GRAMD2B: variants seen among roughly 807,000 people sequenced by gnomAD.
GRAMD2B encodes the protein GRAM domain-containing protein 2B.
In GRAMD2B, 41 loss-of-function variants were observed where a neutral mutation model predicts 59.2. That is an observed-to-expected ratio of 0.69 (90% CI 0.54 to 0.90). GRAMD2B has a LOEUF of 0.90. GRAMD2B is among the 40% of genes least tolerant of loss of function. The pLI is 0.00. For synonymous variants in GRAMD2B, 161 were observed against 182.7 expected, an observed-to-expected ratio of 0.88 and a Z score of 0.96; for missense variants, 424 against 500.5, an observed-to-expected ratio of 0.85 and a Z score of 1.46.
chr5:126,447,444 T>C (rs532784400), intron 1 of GRAMD2B, among the ~76,000 whole-genome samples: 7 of 152,068 alleles, frequency 4.6e-5, no homozygotes, highest in South Asian at 2.1e-4. Flanking sequence ...GGGCAGATCA[T>C]GAGGTCAGAA....
intron 9 of GRAMD2B, among the ~76,000 whole-genome samples, chr5:126,484,019 G>A (rs889136616): frequency 2.0e-5 from 3 of 152,044 alleles, no homozygotes; most frequent in Admixed American, 2.0e-4. Flanking sequence ...TAGTAGAGAC[G>A]GGGTTTCACC....
At chr5:126,427,586 C>G (rs1760833448) in intron 1 of GRAMD2B, among the ~76,000 whole-genome samples, 1 of 152,156 alleles carries the variant, frequency 6.6e-6, no homozygotes, top group African/African-American at 2.4e-5. Flanking sequence ...GAACATTTAC[C>G]TTAAAAGGAA....
chr5:126,393,865 C>T (rs1413762477), intron 1 of GRAMD2B, among the ~76,000 whole-genome samples: 1 of 152,116 alleles, frequency 6.6e-6, no homozygotes, highest in African/African-American at 2.4e-5. Context: ...CCACACAGAC[C>T]AGGCCTTCCA....
intron 13 of GRAMD2B, among the ~76,000 whole-genome samples, chr5:126,489,619 G>A (rs977113824): frequency 4.6e-5 from 7 of 152,178 alleles, no homozygotes; most frequent in Admixed American, 1.3e-4. Flanking sequence ...TCCAAACAAC[G>A]CTAGGGCAAA....
At chr5:126,384,870 A>G (rs1356646333) in intron 1 of GRAMD2B, among the ~76,000 whole-genome samples, 2 of 152,190 alleles carry the variant, frequency 1.3e-5, no homozygotes, top group Non-Finnish European at 2.9e-5. Flanking sequence ...CTGTGCTCAC[A>G]TTGTGCCTTT....
At chr5:126,452,161 T>G (rs535125866) in intron 1 of GRAMD2B, among the ~76,000 whole-genome samples, 100 of 152,346 alleles carry the variant, frequency 6.6e-4, no homozygotes, top group Admixed American at 1.4e-3. Flanking sequence ...CTCATGGTTT[T>G]GGAGGCTGGA....
At chr5:126,402,864 G>C (rs1757957095) in intron 1 of GRAMD2B, among the ~76,000 whole-genome samples, 1 of 152,022 alleles carries the variant, frequency 6.6e-6, no homozygotes, top group Non-Finnish European at 1.5e-5. Context: ...ATGAGTTTTG[G>C]ATAAAGGCCT....
At chr5:126,394,990 G>C (rs979073046) in intron 1 of GRAMD2B, among the ~76,000 whole-genome samples, 1 of 151,818 alleles carries the variant, frequency 6.6e-6, no homozygotes, top group Admixed American at 6.6e-5. Context: ...GGTCTCCAAA[G>C]TATATTAATG....
intron 1 of GRAMD2B, among the ~76,000 whole-genome samples, chr5:126,417,169 G>C (rs766065728): frequency 1.3e-5 from 2 of 152,248 alleles, no homozygotes; most frequent in Non-Finnish European, 2.9e-5. Flanking sequence ...CACATCTTGT[G>C]TAGTTCTCTC....
chr5:126,360,261 A>G, exon 1 of GRAMD2B: 3 of 1,522,094 alleles, frequency 2.0e-6, no homozygotes, highest in Non-Finnish European at 1.8e-6. Flanking sequence ...GGTTGGGCAG[A>G]TCTGGTGTAA....
chr5:126,365,241 G>T (rs1157821905), intron 1 of GRAMD2B, among the ~76,000 whole-genome samples: 1 of 152,084 alleles, frequency 6.6e-6, no homozygotes, highest in Non-Finnish European at 1.5e-5. Context: ...TCATGCCACT[G>T]AACTATATAC....
Position 126,493,117 on chromosome 5 carries a change from G to A in GRAMD2B, c.*161G>A. 1.7e-6 allele frequency: 1 copy of A among 588,138 alleles called. No homozygotes were observed. The highest frequency in any genetic ancestry group is 3.1e-6 in the Non-Finnish European group (1 of 322,952). The allele number at this position is 588,138 out of a possible 1,614,324, so 36.4% of individuals were successfully genotyped here. A position where few individuals can be genotyped will look rare whatever the true frequency, so the allele number is the denominator to read the frequency against. On this transcript the variant is annotated 3_prime_UTR_variant, in exon 14 of 14. Transcript: ENST00000285689. Reference sequence around the variant, plus strand: ...TCTCCAGCTCAGGAAAGTGAGGAGGGAAATAATTTTGGTTCTTGTGCAATA... The same window carrying A: ...TCTCCAGCTCAGGAAAGTGAGGAGGAAAATAATTTTGGTTCTTGTGCAATA...
upstream of GRAMD2B, among the ~76,000 whole-genome samples, chr5:126,421,031 G>C (rs930366064): frequency 2.0e-5 from 3 of 152,168 alleles, no homozygotes; most frequent in Non-Finnish European, 2.9e-5. Context: ...ACCTAAAACA[G>C]ACAAATTTAT....
chr5:126,394,349 T>A (rs1409813811), intron 1 of GRAMD2B, among the ~76,000 whole-genome samples: 1 of 151,824 alleles, frequency 6.6e-6, no homozygotes, highest in Admixed American at 6.6e-5. Flanking sequence ...GTGGAGAAAG[T>A]AGGGCATGAG....
chr5:126,456,793 G>C (rs1278250041), intron 1 of GRAMD2B, among the ~76,000 whole-genome samples: 1 of 152,044 alleles, frequency 6.6e-6, no homozygotes, highest in Non-Finnish European at 1.5e-5. Context: ...CCACTTTTTA[G>C]GGTAAGAAAT....
rs1756476596 is a variant in GRAMD2B at position 126,389,199 on chromosome 5, C to T, written c.125+17632C>T. 2.0e-5 allele frequency among the ~76,000 whole-genome samples: 3 copies of T among 152,156 alleles called. No individual in the cohort carries two copies. In the South Asian group the frequency reaches 6.2e-4, roughly 32 times the overall value. ...CTGTTAAAGGAGGGGTGAAAGCTTA[C>T]CCCTCATAGGGTTATTGTAAGGATT... On this transcript the variant is annotated intron_variant, in intron 1 of 8. Transcript: ENST00000506445.
chr5:126,488,261 A>C (rs1773319812), intron 12 of GRAMD2B, among the ~76,000 whole-genome samples: 1 of 152,184 alleles, frequency 6.6e-6, no homozygotes, highest in African/African-American at 2.4e-5. Context: ...ATAAGAAGTG[A>C]CTCCAGGCCA....
chr5:126,456,856 G>T (rs4836262), intron 1 of GRAMD2B, among the ~76,000 whole-genome samples: 138,716 of 152,116 alleles, frequency 0.91, 64,143 homozygotes, highest in East Asian at 1. Flanking sequence ...AATAATGTCT[G>T]CTCTCTTTTT....
In GRAMD2B at chr5:126,423,442, G is replaced by T. The variant is rs989769404; in HGVS notation, c.-165G>T. ...CCGCTCCGACGTGTCCAGGTCCGCG[G>T]CCCCGGGAGCTTGGCGCGGCCCGGC... is the stretch of plus-strand genomic sequence containing the variant. On this transcript the variant is annotated 5_prime_UTR_variant, in exon 1 of 14. Transcript: ENST00000285689. 2 of 1,412,134 alleles carry T rather than the reference G, an allele frequency of 1.4e-6. No homozygotes were observed. Among genetic ancestry groups the T allele is most frequent in the Non-Finnish European group, 1.8e-6 (2 of 1,089,156 alleles). 87.5% of individuals were successfully genotyped at this position (1,412,134 alleles called of 1,614,324 possible).
Sources: allele counts gnomAD v4.1 joint callset (sites outside exome capture counted in the v4.1 genomes callset), GRCh38; gene constraint gnomAD v4.1.1; transcripts MANE v1.5; gene names NCBI Gene and HGNC (gene_info 2026-07-23, HGNC 2026-07-21).